Variants in TMEM71 observed in about 807,000 individuals in gnomAD.
TMEM71 encodes transmembrane protein 71.
A neutral mutation model predicts 38.0 loss-of-function variants in TMEM71; 44 were observed. That is an observed-to-expected ratio of 1.16 (90% CI 0.91 to 1.49). The LOEUF is 1.49. Among genes scored for constraint, TMEM71 ranks in the 40% most tolerant of loss-of-function variants. The pLI is 0.00. For missense variants in TMEM71, 367 were observed against 348.6 expected (o/e 1.05, Z -0.42); for synonymous variants, 133 against 122.5 (o/e 1.09, Z -0.56).
intron 5 of TMEM71, among the ~76,000 whole-genome samples, chr8:132,742,275 C>T (rs1032928456): frequency 2.6e-5 from 4 of 152,224 alleles, no homozygotes; most frequent in African/African-American, 4.8e-5. Flanking sequence ...CTTGTGTCCT[C>T]GGTCTCTTGC....
intron 5 of TMEM71, among the ~76,000 whole-genome samples, chr8:132,734,417 C>T (rs16904731): frequency 1.3e-5 from 2 of 152,168 alleles, no homozygotes; most frequent in Non-Finnish European, 2.9e-5. Flanking sequence ...GGAACTTCCA[C>T]GGCTAATTAT....
downstream of TMEM71, among the ~76,000 whole-genome samples, chr8:132,706,760 T>C (rs1239364362): frequency 1.3e-5 from 2 of 152,180 alleles, no homozygotes; most frequent in African/African-American, 2.4e-5. Context: ...AGACGGTAGA[T>C]GTTTCCTTGC....
At chr8:132,762,898 G>T (rs151273707), upstream of TMEM71, among the ~76,000 whole-genome samples, 20 of 152,320 alleles carry the variant, frequency 1.3e-4, no homozygotes, top group Non-Finnish European at 2.4e-4. Flanking sequence ...AAGTGCAATT[G>T]TTATCCACAT....
intron 7 of TMEM71, among the ~76,000 whole-genome samples, chr8:132,716,667 G>A (rs933389387): frequency 2.0e-5 from 3 of 152,178 alleles, no homozygotes; most frequent in Admixed American, 6.5e-5. Context: ...TTTGGTATCT[G>A]AGGGAAGCTC....
intron 4 of TMEM71, among the ~76,000 whole-genome samples, chr8:132,747,496 G>A (rs1205040538): frequency 6.6e-6 from 1 of 152,148 alleles, no homozygotes; most frequent in Non-Finnish European, 1.5e-5. Context: ...TTCTGATCAG[G>A]AAACTTAGGC....
intron 5 of TMEM71, among the ~76,000 whole-genome samples, chr8:132,731,546 C>T (rs1363656214): frequency 6.6e-6 from 1 of 152,174 alleles, no homozygotes; most frequent in Admixed American, 6.5e-5. Flanking sequence ...CACCATAGGA[C>T]AGGGTCCTCT....
intron 9 of TMEM71, 54 bp from the exon 10 acceptor site, chr8:132,711,036 A>G (rs1826206273): frequency 1.9e-6 from 3 of 1,565,602 alleles, no homozygotes; most frequent in Non-Finnish European, 2.6e-6. Flanking sequence ...TGCACAGGAA[A>G]TGCAGTATCT....
At chr8:132,758,798 C>T (rs1193820839) in intron 2 of TMEM71, 42 bp downstream of exon 2, 4 of 1,574,406 alleles carry the variant, frequency 2.5e-6, no homozygotes, top group South Asian at 2.2e-5. Flanking sequence ...GGAGTCTAAT[C>T]GTTCAAAAGA....
chr8:132,754,434 C>G (rs1828893929), intron 3 of TMEM71, among the ~76,000 whole-genome samples: 2 of 152,192 alleles, frequency 1.3e-5, no homozygotes, highest in African/African-American at 4.8e-5. Flanking sequence ...GCAGATAGAG[C>G]TAGGTTTATA....
the TMEM71 span, among the ~76,000 whole-genome samples, chr8:132,768,067 A>C: frequency 7.9e-5 from 12 of 152,204 alleles, no homozygotes; most frequent in South Asian, 8.3e-4. Flanking sequence ...ATGTACTAAG[A>C]AAGGACACAG....
intron 4 of TMEM71, among the ~76,000 whole-genome samples, chr8:132,749,598 T>C (rs80262555): frequency 0.091 from 13,916 of 152,272 alleles, 767 homozygotes; most frequent in Middle Eastern, 0.16. Context: ...GCACAGCCTC[T>C]ACAAGGCTCG....
At position 132,722,619 on chromosome 8, in the gene TMEM71, A is replaced by C. The variant is rs374742953; in HGVS notation, c.677-504T>G. Among the ~76,000 whole-genome samples, 31 of 152,356 alleles carry C rather than the reference A, an allele frequency of 2.0e-4. No individual in the cohort carries two copies. The Middle Eastern group carries it at 0.01, about 50-fold the overall frequency. On this transcript the variant is annotated intron_variant, in intron 6 of 9. Transcript: ENST00000677595. ...AGAAATGATGAACTTGTCCAAGGTC[A>C]CATAGCTATGAGGTGTCACAGCCAA... is the stretch of plus-strand genomic sequence containing the variant.
upstream of TMEM71, among the ~76,000 whole-genome samples, chr8:132,761,503 A>G (rs923850372): frequency 1.4e-4 from 21 of 152,236 alleles, no homozygotes; most frequent in African/African-American, 5.1e-4. Flanking sequence ...GCTGGCGGAA[A>G]AGTTAATCTC....
chr8:132,757,527 C>T (rs1829091369), intron 2 of TMEM71, among the ~76,000 whole-genome samples: 2 of 152,004 alleles, frequency 1.3e-5, no homozygotes, highest in South Asian at 4.1e-4. Context: ...TTCCTTCATC[C>T]ACATAACACT....
chr8:132,710,596 A>G lies in TMEM71; in HGVS notation c.*371T>C. On this transcript the variant is annotated 3_prime_UTR_variant, in exon 10 of 10. Coordinates refer to ENST00000677595, the MANE Select transcript of TMEM71 (RefSeq NM_001382403.1). ...AGAGATAGGTGCATGTGGCAGACCCAGAAATCTGGTTACAAGCTCCTCACA... is the reference window on the plus strand; with the variant it reads ...AGAGATAGGTGCATGTGGCAGACCCGGAAATCTGGTTACAAGCTCCTCACA... The G allele has an allele frequency of 2.2e-6, 1 of 457,814 alleles. No individual in the cohort carries two copies. The allele number at this position is 457,814 out of a possible 1,614,324, so 28.4% of individuals were successfully genotyped here. A position where few individuals can be genotyped will look rare whatever the true frequency, so the allele number is the denominator to read the frequency against.
At chr8:132,735,305 G>T (rs1248313004) in intron 5 of TMEM71, among the ~76,000 whole-genome samples, 2 of 152,194 alleles carry the variant, frequency 1.3e-5, no homozygotes, top group South Asian at 2.1e-4. Flanking sequence ...CCTCTTGCCT[G>T]AAAAATGAAG....
intron 4 of TMEM71, among the ~76,000 whole-genome samples, chr8:132,749,772 T>G (rs1041867955): frequency 6.6e-6 from 1 of 152,096 alleles, no homozygotes; most frequent in Non-Finnish European, 1.5e-5. Flanking sequence ...TCCCAGCACT[T>G]TGGGAGTTTG....
intron 7 of TMEM71, among the ~76,000 whole-genome samples, chr8:132,721,495 A>T (rs1322277900): frequency 6.6e-6 from 1 of 151,838 alleles, no homozygotes; most frequent in Middle Eastern, 3.2e-3. Context: ...AATTTTAAGC[A>T]ACGTACACTG....
At chr8:132,714,324 T>C in intron 7 of TMEM71, 109 bp from the exon 8 acceptor site, 1 of 837,252 alleles carries the variant, frequency 1.2e-6, no homozygotes, top group Non-Finnish European at 2.0e-6. Context: ...ACTATGAAAC[T>C]ACAGTAATAA....
Sources: allele counts gnomAD v4.1 joint callset (sites outside exome capture counted in the v4.1 genomes callset), GRCh38; gene constraint gnomAD v4.1.1; transcripts MANE v1.5; gene names NCBI Gene and HGNC (gene_info 2026-07-23, HGNC 2026-07-21).